CSE1L: variants seen among roughly 807,000 people sequenced by gnomAD.
CSE1L encodes exportin-2.
Under a neutral mutation model 120.4 loss-of-function variants are expected in CSE1L, and 24 were observed. That is an observed-to-expected ratio of 0.20 (90% CI 0.14 to 0.28). The LOEUF is 0.28. Among genes scored for constraint, CSE1L ranks in the 10% least tolerant of loss-of-function variants. CSE1L has a pLI of 1.00. For synonymous variants in CSE1L, 402 were observed against 398.3 expected, an observed-to-expected ratio of 1.01 and a Z score of -0.11; for missense variants, 830 against 1,145.2, an observed-to-expected ratio of 0.72 and a Z score of 3.97.
intron 16 of CSE1L, among the ~76,000 whole-genome samples, 175 bp downstream of exon 16, chr20:49,085,561 A>ATTTTTT (rs1568783976): frequency 1.6e-5 from 1 of 63,410 alleles, no homozygotes; most frequent in Admixed American, 1.5e-4. Context: ...TACTAACAAT[A>ATTTTTT]ATTTTTTTTT....
chr20:49,091,532 ACGACCAGCCT>A (rs2092101003), intron 21 of CSE1L, among the ~76,000 whole-genome samples: 1 of 151,990 alleles, frequency 6.6e-6, no homozygotes, highest in Non-Finnish European at 1.5e-5. Context: ...CCAGGAGTTA[ACGACCAGCCT>A]GGGCAACATG....
At chr20:49,079,819 C>A (rs1383811876) in intron 14 of CSE1L, among the ~76,000 whole-genome samples, 1 of 152,130 alleles carries the variant, frequency 6.6e-6, no homozygotes, top group East Asian at 1.9e-4. Flanking sequence ...GTGGCTTGTG[C>A]CTGTAATCCC....
At chr20:49,094,422 A>G (rs2092124714) in intron 23 of CSE1L, 136 bp downstream of exon 23, 2 of 867,794 alleles carry the variant, frequency 2.3e-6, no homozygotes, top group Non-Finnish European at 3.7e-6. Flanking sequence ...GATCCAAGAC[A>G]TGATTTCTGG....
intron 6 of CSE1L, among the ~76,000 whole-genome samples, chr20:49,067,926 C>G (rs1484668518): frequency 2.8e-5 from 3 of 108,460 alleles, no homozygotes; most frequent in Non-Finnish European, 5.5e-5. Flanking sequence ...TTTTCCCTCT[C>G]TCTTTTTTTT....
In CSE1L at chr20:49,068,764, G is replaced by C. The variant is rs780392030; in HGVS notation, c.617G>C (p.Arg206Thr). The part of the protein sequence containing the change: ...STHANDASAL[R>T]ILFSSLILIS... The stretch of plus-strand genomic sequence containing the variant: ...CATGCAAATGATGCCTCTGCCCTGA[G>C]GATTCTGTTTTCTTCCCTGATCCTG... The change falls in exon 7 of 25, where the codon AGG becomes ACG. Residue 206 changes from arginine to threonine, a missense_variant. Arg to Thr is a moderately conservative substitution (Grantham distance 71, BLOSUM62 -1). Coordinates refer to ENST00000262982, the MANE Select transcript of CSE1L (RefSeq NM_001316.4). 6.2e-7 allele frequency: 1 copy of C among 1,613,980 alleles called. No individual in the cohort carries two copies. Among genetic ancestry groups the C allele is most frequent in the Non-Finnish European group, 8.5e-7 (1 of 1,179,908 alleles).
intron 17 of CSE1L, among the ~76,000 whole-genome samples, chr20:49,088,394 TGGAG>T (rs2145750595): frequency 6.6e-6 from 1 of 152,346 alleles, no homozygotes; most frequent in Admixed American, 6.5e-5. Context: ...TTACCTTAAA[TGGAG>T]TTAAGTAGGC....
chr20:49,086,359 C>CTT (rs10648977), intron 16 of CSE1L, among the ~76,000 whole-genome samples: 17,907 of 77,300 alleles, frequency 0.23, 2,364 homozygotes, highest in African/African-American at 0.3. Context: ...GTTTAATGTC[C>CTT]TTTTTTTTTT....
chr20:49,066,278 G>C lies in CSE1L; in HGVS notation c.315G>C (p.Glu105Asp), dbSNP rs1027925485. The stretch of plus-strand genomic sequence containing the variant: ...TGCACTTGATGCTTAGCAGCCCAGA[G>C]CAAATTCAGAAGCAGGTAATGTCGC... Reference protein sequence around the residue: ...NIVHLMLSSPEQIQKQLSDAI... With the variant: ...NIVHLMLSSPDQIQKQLSDAI... The change falls in exon 4 of 25, where the codon GAG becomes GAC. Residue 105 changes from glutamate to aspartate, a missense_variant. Coordinates refer to ENST00000262982, the MANE Select transcript of CSE1L (RefSeq NM_001316.4). The C allele has an allele frequency of 6.2e-7, 1 of 1,614,206 alleles. No homozygotes were observed. Among genetic ancestry groups the C allele is most frequent in the Non-Finnish European group, 8.5e-7 (1 of 1,180,020 alleles).
intron 1 of CSE1L, among the ~76,000 whole-genome samples, chr20:49,053,248 C>A (rs2091781919): frequency 1.3e-5 from 2 of 151,164 alleles, no homozygotes. Context: ...TGCATGAATC[C>A]CCAAAGGTAG....
Position 49,096,497 on chromosome 20 carries a change from A to C in CSE1L, c.*59A>C. The C allele has an allele frequency of 1.6e-6, 2 of 1,242,166 alleles. No individual in the cohort carries two copies. The highest frequency in any genetic ancestry group is 2.4e-6 in the Non-Finnish European group (2 of 842,692). The allele number at this position is 1,242,166 out of a possible 1,614,324, so 76.9% of individuals were successfully genotyped here. A position where few individuals can be genotyped will look rare whatever the true frequency, so the allele number is the denominator to read the frequency against. Reference sequence around the variant, plus strand: ...TTTCCTAGGAAATCACAGGCTTCTGAGCACAGCTGCATTAAAACAAAGGAA... The same window carrying C: ...TTTCCTAGGAAATCACAGGCTTCTGCGCACAGCTGCATTAAAACAAAGGAA... On this transcript the variant is annotated 3_prime_UTR_variant, in exon 25 of 25. Coordinates refer to ENST00000262982, the MANE Select transcript of CSE1L (RefSeq NM_001316.4).
intron 21 of CSE1L, 145 bp downstream of exon 21, chr20:49,091,167 A>G (rs1309992640): frequency 2.6e-5 from 17 of 647,568 alleles, no homozygotes; most frequent in Non-Finnish European, 4.6e-5. Flanking sequence ...TCATGCCTGT[A>G]ATCGCAGCAC....
At chr20:49,062,166 C>G (rs777804624) in intron 2 of CSE1L, among the ~76,000 whole-genome samples, 4 of 152,076 alleles carry the variant, frequency 2.6e-5, no homozygotes, top group Admixed American at 6.6e-5. Context: ...GTGGAGGAAA[C>G]AAATTGTTCT....
At chr20:49,047,148 C>A (rs1329721972) in intron 1 of CSE1L, among the ~76,000 whole-genome samples, 5 of 152,126 alleles carry the variant, frequency 3.3e-5, no homozygotes, top group Admixed American at 3.3e-4. Flanking sequence ...GGAATTAGAT[C>A]GCCTGGGTTC....
At chr20:49,078,499 C>T (rs779026184) in intron 13 of CSE1L, 62 bp from the exon 14 acceptor site, 5 of 1,089,874 alleles carry the variant, frequency 4.6e-6, no homozygotes, top group Non-Finnish European at 6.7e-6. Flanking sequence ...GATGATGTCA[C>T]TAATTTGGAA....
At chr20:49,072,034 G>C (rs932702328) in intron 8 of CSE1L, among the ~76,000 whole-genome samples, 2 of 151,708 alleles carry the variant, frequency 1.3e-5, no homozygotes, top group African/African-American at 4.8e-5. Flanking sequence ...CCAGAGGGTT[G>C]GGATTACCGG....
chr20:49,075,699 A>G (rs1474389527), intron 12 of CSE1L, among the ~76,000 whole-genome samples, 179 bp downstream of exon 12: 1 of 152,232 alleles, frequency 6.6e-6, no homozygotes, highest in African/African-American at 2.4e-5. Flanking sequence ...TAAGTTTCTT[A>G]TAGACCAGAA....
intron 3 of CSE1L, among the ~76,000 whole-genome samples, chr20:49,064,569 G>T (rs1320164998): frequency 6.6e-6 from 1 of 152,018 alleles, no homozygotes. Flanking sequence ...AATTAGCGAG[G>T]CATATGGTGG....
intron 19 of CSE1L, 81 bp downstream of exon 19, chr20:49,089,827 A>T: frequency 7.4e-7 from 1 of 1,346,286 alleles, no homozygotes; most frequent in Non-Finnish European, 1.0e-6. Flanking sequence ...AAATTTTTTT[A>T]TTTAAAATAA....
rs753807526 is a variant in CSE1L, at chr20:49,075,515, C to A, written c.1330C>A (p.Gln444Lys). 6.2e-7 allele frequency: 1 copy of A among 1,613,486 alleles called. No homozygotes were observed. Among genetic ancestry groups the A allele is most frequent in the Non-Finnish European group, 8.5e-7 (1 of 1,179,510 alleles). The change falls in exon 12 of 25, where the codon CAG becomes AAG. Residue 444 changes from glutamine (Q) to lysine (K), a missense_variant. Transcript: ENST00000262982. ...ATCTTTGGCATCAAAAGCCCAAACA[C>A]AGAAGGTAAATATTTTTAATGTGGT... ...VTSLASKAQT[Q>K]KHGITQANEL...
Sources: allele counts gnomAD v4.1 joint callset (sites outside exome capture counted in the v4.1 genomes callset), GRCh38; gene constraint gnomAD v4.1.1; transcripts MANE v1.5; gene names NCBI Gene and HGNC (gene_info 2026-07-23, HGNC 2026-07-21).